PRKG1: variants seen among roughly 807,000 people sequenced by gnomAD.
The protein encoded by PRKG1 is protein kinase cGMP-dependent 1, also known as cGMP-dependent protein kinase 1.
A neutral mutation model predicts 88.1 loss-of-function variants in PRKG1; 35 were observed. The ratio of observed to expected loss-of-function variants is 0.40; its 90% confidence interval spans 0.30 to 0.53. The LOEUF is 0.53. Ranked by LOEUF, PRKG1 falls within the 20% of genes least tolerant of loss-of-function variation. The pLI is 0.59. For synonymous variants in PRKG1, 303 were observed against 292.5 expected (o/e 1.04, Z -0.37); for missense variants, 540 against 839.8 (o/e 0.64, Z 4.41).
At chr10:51,655,117 C>A (rs970096559) in intron 3 of PRKG1, among the ~76,000 whole-genome samples, 2 of 152,178 alleles carry the variant, frequency 1.3e-5, no homozygotes, top group Non-Finnish European at 2.9e-5. Context: ...TCCTGGGCCA[C>A]ATGCCCAGTA....
chr10:51,616,151 G>C (rs544417137), intron 3 of PRKG1, among the ~76,000 whole-genome samples: 1 of 152,286 alleles, frequency 6.6e-6, no homozygotes, highest in Admixed American at 6.5e-5. Flanking sequence ...AAGGTTTTGC[G>C]GGGGACTTGA....
intron 3 of PRKG1, among the ~76,000 whole-genome samples, chr10:51,603,142 G>C (rs2132229755): frequency 6.6e-6 from 1 of 151,838 alleles, no homozygotes; most frequent in East Asian, 1.9e-4. Flanking sequence ...ATTTTTAGTA[G>C]AGACGGGGTT....
At chr10:51,218,322 G>A (rs1838424949) in intron 2 of PRKG1, among the ~76,000 whole-genome samples, 1 of 151,482 alleles carries the variant, frequency 6.6e-6, no homozygotes, top group African/African-American at 2.4e-5. Flanking sequence ...AACATGTGTG[G>A]CTTCCTTATT....
At chr10:51,639,436 CAA>C (rs769304908) in intron 3 of PRKG1, among the ~76,000 whole-genome samples, 2 of 31,796 alleles carry the variant, frequency 6.3e-5, no homozygotes, top group Non-Finnish European at 4.8e-5. Context: ...GACTCCATCT[CAA>C]AAAAAAAAAA....
At chr10:52,069,948 T>C (rs1186563650) in intron 7 of PRKG1, among the ~76,000 whole-genome samples, 1 of 151,810 alleles carries the variant, frequency 6.6e-6, no homozygotes, top group Non-Finnish European at 1.5e-5. Context: ...ATTTTAATGA[T>C]TATAACCTTT....
chr10:52,139,560 A>T (rs1389777689), intron 8 of PRKG1, among the ~76,000 whole-genome samples: 1 of 152,138 alleles, frequency 6.6e-6, no homozygotes, highest in Non-Finnish European at 1.5e-5. Context: ...GGATAGGAAG[A>T]TCACACAGTG....
At chr10:51,713,223 C>G (rs769611313) in intron 3 of PRKG1, among the ~76,000 whole-genome samples, 19 of 152,152 alleles carry the variant, frequency 1.2e-4, no homozygotes, top group Non-Finnish European at 2.2e-4. Flanking sequence ...GCCTTGTCAG[C>G]TTCCTGTCAG....
At chr10:51,103,144 A>AGT (rs1554836276) in intron 1 of PRKG1, among the ~76,000 whole-genome samples, 1 of 151,442 alleles carries the variant, frequency 6.6e-6, no homozygotes, top group Non-Finnish European at 1.5e-5. Context: ...TAAAAAAAAA[A>AGT]TAGTTAGAAA....
At chr10:51,454,165 C>A (rs961393944) in intron 2 of PRKG1, among the ~76,000 whole-genome samples, 8 of 151,978 alleles carry the variant, frequency 5.3e-5, no homozygotes, top group Non-Finnish European at 1.0e-4. Flanking sequence ...AATGACCATA[C>A]TGCCAAAAGC....
At chr10:51,542,217 A>G (rs2132113156) in intron 3 of PRKG1, among the ~76,000 whole-genome samples, 1 of 152,268 alleles carries the variant, frequency 6.6e-6, no homozygotes, top group South Asian at 2.1e-4. Context: ...CTCTTGGAGT[A>G]GACTGAATAG....
chr10:52,036,942 C>G (rs992079718), intron 5 of PRKG1, among the ~76,000 whole-genome samples: 53 of 152,214 alleles, frequency 3.5e-4, no homozygotes, highest in African/African-American at 8.4e-4. Context: ...AAGAAGGGGA[C>G]GGGCTTACCT....
intron 2 of PRKG1, among the ~76,000 whole-genome samples, chr10:51,179,535 T>G (rs1837290846): frequency 1.3e-5 from 2 of 152,222 alleles, no homozygotes; most frequent in South Asian, 4.1e-4. Context: ...AAAGCGTTAG[T>G]AGCCTGAAAC....
rs796955206 is a variant in PRKG1 at position 51,735,883 on chromosome 10, A to T, written c.593-68702A>T. 3.2e-3 allele frequency among the ~76,000 whole-genome samples: 334 copies of T among 102,840 alleles called. 3 individuals carry two copies. Among genetic ancestry groups the T allele is most frequent in the African/African-American group, 0.013 (302 of 22,728 alleles). The allele number at this position is 102,840 out of a possible 152,430, so 67.5% of individuals were successfully genotyped here. Reference sequence around the variant, plus strand: ...TATATATATATATATATATATATGTATATTTATTTATTTATTTATTTATTT... The same window carrying T: ...TATATATATATATATATATATATGTTTATTTATTTATTTATTTATTTATTT... On this transcript the variant is annotated intron_variant, in intron 3 of 17. Coordinates refer to ENST00000373980, the MANE Select transcript of PRKG1 (RefSeq NM_006258.4).
At chr10:51,838,804 A>T (rs1840194334) in intron 4 of PRKG1, among the ~76,000 whole-genome samples, 1 of 152,130 alleles carries the variant, frequency 6.6e-6, no homozygotes. Flanking sequence ...TTGTTAGCCT[A>T]ATGGGAAGTG....
At chr10:51,099,514 T>A (rs559984828) in intron 1 of PRKG1, among the ~76,000 whole-genome samples, 1 of 152,256 alleles carries the variant, frequency 6.6e-6, no homozygotes, top group South Asian at 2.1e-4. Flanking sequence ...GGAATCTAAC[T>A]AGGATTTATG....
chr10:51,118,421 A>C (rs1412391117), intron 1 of PRKG1, among the ~76,000 whole-genome samples: 1 of 152,178 alleles, frequency 6.6e-6, no homozygotes, highest in Non-Finnish European at 1.5e-5. Flanking sequence ...AATGGTTCTA[A>C]AAGTAATGTT....
At chr10:51,786,683 G>A (rs747427394) in intron 3 of PRKG1, among the ~76,000 whole-genome samples, 3 of 152,124 alleles carry the variant, frequency 2.0e-5, no homozygotes, top group Non-Finnish European at 4.4e-5. Flanking sequence ...GGAAATATAT[G>A]TGTCTTGCTC....
At chr10:51,906,113 C>A (rs939606278) in intron 4 of PRKG1, among the ~76,000 whole-genome samples, 10 of 152,208 alleles carry the variant, frequency 6.6e-5, no homozygotes, top group Admixed American at 6.6e-4. Flanking sequence ...CTGAATGCAT[C>A]ATCAATCAAC....
chr10:51,608,048 A>ATCCACC (rs1261306267), intron 3 of PRKG1, among the ~76,000 whole-genome samples: 1 of 152,224 alleles, frequency 6.6e-6, no homozygotes, highest in African/African-American at 2.4e-5. Context: ...AATTTTCAAA[A>ATCCACC]TCCACCTTCA....
Sources: allele counts gnomAD v4.1 joint callset (sites outside exome capture counted in the v4.1 genomes callset), GRCh38; gene constraint gnomAD v4.1.1; transcripts MANE v1.5; gene names NCBI Gene and HGNC (gene_info 2026-07-23, HGNC 2026-07-21).